The following RAPGEF4 variants were observed in gnomAD, a reference collection of about 807,000 sequenced individuals.
The protein encoded by RAPGEF4 is RAP guanine-nucleotide-exchange factor (GEF) 4.
RAPGEF4 carries 66 observed loss-of-function variants against 147.9 expected under a neutral mutation model. The observed-to-expected ratio is 0.45, with a 90% CI of 0.37 to 0.55. The LOEUF is 0.55. Ranked by LOEUF, RAPGEF4 falls within the 20% of genes least tolerant of loss-of-function variation. The pLI is 0.00. For synonymous variants in RAPGEF4, 419 were observed against 442.7 expected (o/e 0.95, Z 0.67); for missense variants, 1,071 against 1,257.3 (o/e 0.85, Z 2.24).
intron 3 of RAPGEF4, among the ~76,000 whole-genome samples, chr2:172,811,089 A>C (rs1385667874): frequency 6.6e-6 from 1 of 152,242 alleles, no homozygotes; most frequent in Non-Finnish European, 1.5e-5. Flanking sequence ...TGTGAAGGGC[A>C]AGGAAGCTGG....
At chr2:172,796,099 A>G (rs184696420) in intron 2 of RAPGEF4, among the ~76,000 whole-genome samples, 1 of 152,262 alleles carries the variant, frequency 6.6e-6, no homozygotes, top group East Asian at 1.9e-4. Context: ...ACTGATTTAG[A>G]CCAATCATGA....
At chr2:172,844,193 C>A (rs1191833801) in intron 4 of RAPGEF4, among the ~76,000 whole-genome samples, 2 of 152,158 alleles carry the variant, frequency 1.3e-5, no homozygotes, top group African/African-American at 4.8e-5. Flanking sequence ...GGACTTGGAA[C>A]AAGCACAATC....
At chr2:172,782,009 A>G (rs1176203284) in intron 1 of RAPGEF4, among the ~76,000 whole-genome samples, 3 of 152,052 alleles carry the variant, frequency 2.0e-5, no homozygotes, top group Admixed American at 6.6e-5. Flanking sequence ...ACCTTCACCT[A>G]CTTATTCTGT....
chr2:173,027,806 A>AT (rs938475580), intron 25 of RAPGEF4, among the ~76,000 whole-genome samples: 3 of 152,290 alleles, frequency 2.0e-5, no homozygotes, highest in African/African-American at 4.8e-5. Context: ...ATGGGAAACA[A>AT]TTTTTTTACT....
intron 16 of RAPGEF4, among the ~76,000 whole-genome samples, chr2:172,997,988 C>T (rs1315530591): frequency 2.0e-5 from 3 of 152,120 alleles, no homozygotes; most frequent in Non-Finnish European, 4.4e-5. Context: ...TCACTGGCTC[C>T]AGGCCAATTA....
intron 1 of RAPGEF4, among the ~76,000 whole-genome samples, chr2:172,775,420 A>G (rs1346457858): frequency 1.3e-5 from 2 of 152,214 alleles, no homozygotes; most frequent in African/African-American, 4.8e-5. Context: ...TGAAATGACT[A>G]ACACTAAAAA....
chr2:172,785,389 G>T (rs1296817377), intron 1 of RAPGEF4, among the ~76,000 whole-genome samples: 1 of 152,128 alleles, frequency 6.6e-6, no homozygotes, highest in South Asian at 2.1e-4. Context: ...TTTAAAAAAT[G>T]TCTTGGTGGC....
intron 1 of RAPGEF4, among the ~76,000 whole-genome samples, chr2:172,785,532 A>G (rs1685116276): frequency 6.6e-6 from 1 of 152,210 alleles, no homozygotes; most frequent in African/African-American, 2.4e-5. Flanking sequence ...GCAATGCTAA[A>G]TTACTGTTAA....
At chr2:172,765,090 T>C (rs1203518287) in intron 1 of RAPGEF4, among the ~76,000 whole-genome samples, 1 of 152,250 alleles carries the variant, frequency 6.6e-6, no homozygotes, top group Non-Finnish European at 1.5e-5. Flanking sequence ...CTTCCTAGCC[T>C]CTGATGGTTG....
chr2:172,752,442 A>G (rs1695385552), intron 1 of RAPGEF4, among the ~76,000 whole-genome samples: 1 of 152,058 alleles, frequency 6.6e-6, no homozygotes, highest in African/African-American at 2.4e-5. Context: ...ATGTTTTAAA[A>G]GTTTTTCATG....
At chr2:172,905,850 C>A (rs994827634) in intron 4 of RAPGEF4, among the ~76,000 whole-genome samples, 1 of 152,190 alleles carries the variant, frequency 6.6e-6, no homozygotes, top group Admixed American at 6.5e-5. Flanking sequence ...CCCCATTATG[C>A]GGATGCTCTA....
intron 4 of RAPGEF4, among the ~76,000 whole-genome samples, chr2:172,858,855 C>T (rs1693723842): frequency 6.6e-6 from 1 of 152,112 alleles, no homozygotes; most frequent in African/African-American, 2.4e-5. Context: ...TTTTGAAAAA[C>T]GCTGAGAAGC....
intron 4 of RAPGEF4, among the ~76,000 whole-genome samples, chr2:172,847,770 A>G (rs909128043): frequency 6.6e-6 from 1 of 152,128 alleles, no homozygotes; most frequent in South Asian, 2.1e-4. Flanking sequence ...CTTTTAAGAG[A>G]CTATAATTAT....
rs145723072 is a variant in RAPGEF4, at chr2:172,990,947, T to C, written c.1490+22T>C. ...AAAAGTATGTTTGCATCCAACACTGTAATTGCCAGACTATGATTAACCTTT... is the reference window on the plus strand; with the variant it reads ...AAAAGTATGTTTGCATCCAACACTGCAATTGCCAGACTATGATTAACCTTT... On this transcript the variant is annotated intron_variant, in intron 15 of 30. Coordinates refer to ENST00000397081, the MANE Select transcript of RAPGEF4 (RefSeq NM_007023.4). The C allele has an allele frequency of 4.6e-5, 69 of 1,515,010 alleles. 1 individual carries two copies. Among genetic ancestry groups the C allele is most frequent in the Middle Eastern group, 1.7e-4 (1 of 5,852 alleles). 93.8% of individuals were successfully genotyped at this position (1,515,010 alleles called of 1,614,324 possible). A position where few individuals can be genotyped will look rare whatever the true frequency, so the allele number is the denominator to read the frequency against.
At chr2:172,777,054 TA>T (rs1684238401) in intron 1 of RAPGEF4, among the ~76,000 whole-genome samples, 2 of 152,148 alleles carry the variant, frequency 1.3e-5, no homozygotes, top group African/African-American at 4.8e-5. Context: ...TTTCTTTTTT[TA>T]AAAAAGATCA....
intron 17 of RAPGEF4, among the ~76,000 whole-genome samples, chr2:173,012,114 A>G (rs781162847): frequency 6.6e-5 from 10 of 152,170 alleles, no homozygotes; most frequent in Admixed American, 3.3e-4. Context: ...AGAGAATTAA[A>G]TTTGCTCATT....
intron 10 of RAPGEF4, among the ~76,000 whole-genome samples, chr2:172,971,438 T>C (rs10497389): frequency 0.039 from 5,941 of 152,226 alleles, 165 homozygotes; most frequent in South Asian, 0.067. Context: ...GAAAAGTCAT[T>C]TGGGCCCGAG....
intron 1 of RAPGEF4, among the ~76,000 whole-genome samples, chr2:172,755,449 C>T (rs1196245072): frequency 3.3e-5 from 5 of 152,156 alleles, no homozygotes; most frequent in Non-Finnish European, 7.4e-5. Context: ...GGCTGGAGTG[C>T]AGTGGTGCAA....
At chr2:172,812,953 A>T (rs1015205958) in intron 3 of RAPGEF4, among the ~76,000 whole-genome samples, 1 of 152,204 alleles carries the variant, frequency 6.6e-6, no homozygotes, top group Non-Finnish European at 1.5e-5. Context: ...TTCTGGGGAT[A>T]TTTTTGAGTG....
Sources: allele counts gnomAD v4.1 joint callset (sites outside exome capture counted in the v4.1 genomes callset), GRCh38; gene constraint gnomAD v4.1.1; transcripts MANE v1.5; gene names NCBI Gene and HGNC (gene_info 2026-07-23, HGNC 2026-07-21).